ATP8B4: variants seen among roughly 807,000 people sequenced by gnomAD.
ATP8B4 encodes the protein probable phospholipid-transporting ATPase IM.
Under a neutral mutation model 145.6 loss-of-function variants are expected in ATP8B4, and 133 were observed. The observed-to-expected ratio is 0.91, with a 90% CI of 0.79 to 1.05. The LOEUF is 1.05. Ranked by LOEUF, ATP8B4 falls within the 50% of genes least tolerant of loss-of-function variation. The pLI is 0.00. For missense variants in ATP8B4, 1,458 were observed against 1,425.2 expected (o/e 1.02, Z -0.37); for synonymous variants, 507 against 492.9 (o/e 1.03, Z -0.38).
chr15:49,965,467 C>T (rs1052391690), intron 13 of ATP8B4, among the ~76,000 whole-genome samples: 3 of 152,138 alleles, frequency 2.0e-5, no homozygotes, highest in Non-Finnish European at 2.9e-5. Context: ...CAGAAAGTTC[C>T]GCAGAGCCTC....
intron 23 of ATP8B4, chr15:49,885,916 A>ATGTT (rs2036130164): frequency 6.6e-6 from 1 of 152,022 alleles, no homozygotes; most frequent in Non-Finnish European, 1.5e-5. Flanking sequence ...CTGCTTCAAT[A>ATGTT]TGTTTGATCC....
At chr15:50,153,082 C>T (rs2044366772) in intron 1 of ATP8B4, among the ~76,000 whole-genome samples, 1 of 152,138 alleles carries the variant, frequency 6.6e-6, no homozygotes, top group Non-Finnish European at 1.5e-5. Flanking sequence ...GTATATTGAG[C>T]AGAGGACTGC....
At chr15:49,931,056 C>G in intron 16 of ATP8B4, 63 bp downstream of exon 16, 1 of 1,484,526 alleles carries the variant, frequency 6.7e-7, no homozygotes, top group South Asian at 1.3e-5. Context: ...TGAAATTAAT[C>G]CTTGAAAAGC....
intron 1 of ATP8B4, among the ~76,000 whole-genome samples, chr15:50,163,390 T>C (rs1000559112): frequency 1.3e-4 from 20 of 152,274 alleles, no homozygotes; most frequent in Admixed American, 3.3e-4. Context: ...CTCATACAGA[T>C]ACTGCCTTGG....
chr15:49,943,608 C>T (rs2042336249), intron 14 of ATP8B4, among the ~76,000 whole-genome samples: 1 of 152,062 alleles, frequency 6.6e-6, no homozygotes, highest in South Asian at 2.1e-4. Flanking sequence ...CAAAGAATAA[C>T]AGACCCAGCT....
At chr15:49,943,670 T>C (rs1400993116) in intron 14 of ATP8B4, among the ~76,000 whole-genome samples, 1 of 152,104 alleles carries the variant, frequency 6.6e-6, no homozygotes, top group African/African-American at 2.4e-5. Flanking sequence ...AGAGAGAAAC[T>C]CTTAGGGAGT....
intron 1 of ATP8B4, among the ~76,000 whole-genome samples, chr15:50,172,240 C>T (rs560871299): frequency 6.6e-6 from 1 of 152,370 alleles, no homozygotes; most frequent in East Asian, 1.9e-4. Context: ...TGCAACCTCC[C>T]TGCCTGATTC....
intron 13 of ATP8B4, among the ~76,000 whole-genome samples, chr15:49,964,379 T>C (rs1447243639): frequency 2.0e-5 from 3 of 152,166 alleles, no homozygotes; most frequent in East Asian, 1.9e-4. Flanking sequence ...GCCTCCTCCC[T>C]ACAGTAAAAG....
chr15:49,950,343 T>C (rs563771586), intron 14 of ATP8B4, among the ~76,000 whole-genome samples: 1 of 152,174 alleles, frequency 6.6e-6, no homozygotes, highest in Admixed American at 6.5e-5. Flanking sequence ...CAGAGCTTGT[T>C]ATTGGTCTAC....
chr15:50,035,004 TGCCACC>T (rs1442783706), intron 6 of ATP8B4, among the ~76,000 whole-genome samples: 1 of 152,212 alleles, frequency 6.6e-6, no homozygotes, highest in Non-Finnish European at 1.5e-5. Flanking sequence ...GAAGGAATCA[TGCCACC>T]GCTACTTACT....
At chr15:50,015,840 C>T (rs2049049128) in intron 6 of ATP8B4, among the ~76,000 whole-genome samples, 2 of 152,176 alleles carry the variant, frequency 1.3e-5, no homozygotes, top group South Asian at 4.1e-4. Context: ...AGATGTTTCC[C>T]TTTTTCCTCC....
At chr15:49,913,519 A>G (rs1386699165) in intron 20 of ATP8B4, among the ~76,000 whole-genome samples, 1 of 152,204 alleles carries the variant, frequency 6.6e-6, no homozygotes, top group Non-Finnish European at 1.5e-5. Context: ...ATTCCTAGTC[A>G]GAGCAATCAG....
chr15:50,144,391 G>A (rs886136581), intron 1 of ATP8B4, among the ~76,000 whole-genome samples: 4 of 152,180 alleles, frequency 2.6e-5, no homozygotes, highest in African/African-American at 7.2e-5. Context: ...AAGAAAAGAG[G>A]TTTGATTGAC....
chr15:49,883,755 T>C (rs1308295160), intron 23 of ATP8B4, among the ~76,000 whole-genome samples: 1 of 151,942 alleles, frequency 6.6e-6, no homozygotes, highest in African/African-American at 2.4e-5. Flanking sequence ...AATAAATACA[T>C]ATACCTACTA....
rs80254724 is a variant in ATP8B4 at position 50,056,424 on chromosome 15, G to A, written c.88-8960C>T. Among the ~76,000 whole-genome samples, 1,035 of 152,116 alleles carry A rather than the reference G, an allele frequency of 6.8e-3. 6 individuals are homozygous for A. Among genetic ancestry groups the A allele is most frequent in the Middle Eastern group, 0.017 (5 of 292 alleles). ...TCAGGAGGTGATCATCAAATACTAT[G>A]ACAAAAACAATGAACAATAGAGCAA... On this transcript the variant is annotated intron_variant, in intron 3 of 27. Transcript: ENST00000284509.
chr15:50,012,385 A>T (rs1180573441), intron 6 of ATP8B4, among the ~76,000 whole-genome samples: 1 of 152,184 alleles, frequency 6.6e-6, no homozygotes, highest in Non-Finnish European at 1.5e-5. Flanking sequence ...TCTCAGGAAG[A>T]AGTCAAGATG....
At chr15:50,071,236 AAAAG>A (rs2053713554) in intron 3 of ATP8B4, among the ~76,000 whole-genome samples, 1 of 152,238 alleles carries the variant, frequency 6.6e-6, no homozygotes. Flanking sequence ...TATGACTTTT[AAAAG>A]AAAGAAAGAT....
chr15:49,969,716 C>G (rs770347132), intron 13 of ATP8B4, among the ~76,000 whole-genome samples: 1 of 152,168 alleles, frequency 6.6e-6, no homozygotes, highest in African/African-American at 2.4e-5. Context: ...GGTACCATTC[C>G]TTCTGAAACT....
chr15:49,874,144 TC>T (rs975505769), intron 25 of ATP8B4, among the ~76,000 whole-genome samples: 11 of 152,180 alleles, frequency 7.2e-5, no homozygotes, highest in African/African-American at 1.9e-4. Context: ...AACAGACATT[TC>T]CACTGCCTTC....
Sources: gnomAD v4.1 joint callset for allele counts (sites outside exome capture counted in the v4.1 genomes callset) on GRCh38, gnomAD v4.1.1 for gene constraint, MANE v1.5 for transcripts, NCBI Gene and HGNC (gene_info 2026-07-23, HGNC 2026-07-21) for gene names.